CSMD1: variants seen among roughly 807,000 people sequenced by gnomAD.
CSMD1 encodes CUB and Sushi multiple domains 1, also known as CUB and sushi domain-containing protein 1.
In CSMD1, 213 loss-of-function variants were observed where a neutral mutation model predicts 417.5. The ratio of observed to expected loss-of-function variants is 0.51; its 90% CI spans 0.46 to 0.57. The LOEUF (loss-of-function observed/expected upper bound fraction) is 0.57. Ranked by LOEUF, CSMD1 falls within the 20% of genes least tolerant of loss-of-function variation. The pLI is 0.00. For missense variants in CSMD1, 6,923 were observed against 4,529.7 expected (o/e 1.53, Z -15.17); for synonymous variants, 2,862 against 1,736.8 (o/e 1.65, Z -16.11).
chr8:4,554,876 G>A (rs1171899758), intron 2 of CSMD1, among the ~76,000 whole-genome samples: 1 of 152,128 alleles, frequency 6.6e-6, no homozygotes, highest in Non-Finnish European at 1.5e-5. Context: ...AGGTTGCCAG[G>A]CCCAGGTGGT....
chr8:4,930,554 TTC>T (rs1807178826), intron 1 of CSMD1, among the ~76,000 whole-genome samples: 4 of 152,188 alleles, frequency 2.6e-5, no homozygotes, highest in Admixed American at 6.5e-5. Flanking sequence ...GCAGCATATA[TTC>T]TTTCTAGTTT....
chr8:4,810,654 T>C (rs539269396), intron 1 of CSMD1, among the ~76,000 whole-genome samples: 4 of 150,896 alleles, frequency 2.7e-5, no homozygotes, highest in Admixed American at 6.6e-5. Flanking sequence ...TTGTATTACA[T>C]AGAAAATTTC....
chr8:3,224,056 C>T (rs923712615), intron 27 of CSMD1, among the ~76,000 whole-genome samples, 189 bp from the exon 28 acceptor site: 2 of 152,170 alleles, frequency 1.3e-5, no homozygotes, highest in Non-Finnish European at 2.9e-5. Flanking sequence ...GTACATTTTT[C>T]ATGTAACTGT....
intron 8 of CSMD1, among the ~76,000 whole-genome samples, chr8:3,590,810 A>G (rs1453381180): frequency 6.6e-6 from 1 of 152,178 alleles, no homozygotes; most frequent in Non-Finnish European, 1.5e-5. Context: ...AAACTAAATA[A>G]GACCCCAATT....
chr8:3,976,959 C>G (rs1408380150), intron 5 of CSMD1, among the ~76,000 whole-genome samples: 1 of 152,180 alleles, frequency 6.6e-6, no homozygotes, highest in Non-Finnish European at 1.5e-5. Flanking sequence ...GGGCATAGTA[C>G]ACATGTCACA....
chr8:3,559,338 G>A (rs555294687), intron 10 of CSMD1, among the ~76,000 whole-genome samples: 24 of 152,324 alleles, frequency 1.6e-4, no homozygotes, highest in African/African-American at 4.8e-4. Flanking sequence ...ACTAGGCATG[G>A]TCTGAACAGA....
chr8:4,869,008 C>G (rs917173231), intron 1 of CSMD1, among the ~76,000 whole-genome samples: 1 of 151,670 alleles, frequency 6.6e-6, no homozygotes, highest in African/African-American at 2.4e-5. Context: ...AATATATATA[C>G]ATTTTATATT....
chr8:2,971,849 A>G (rs1804485747), intron 57 of CSMD1, among the ~76,000 whole-genome samples: 1 of 152,152 alleles, frequency 6.6e-6, no homozygotes, highest in South Asian at 2.1e-4. Context: ...GTGGTATTTG[A>G]CCTAAGACAA....
At chr8:4,454,868 A>T (rs752580932) in intron 2 of CSMD1, among the ~76,000 whole-genome samples, 2 of 152,192 alleles carry the variant, frequency 1.3e-5, no homozygotes, top group Non-Finnish European at 2.9e-5. Context: ...AAAGAAACTT[A>T]ATCTAAATGG....
At chr8:3,323,651 G>C (rs1403339408) in intron 23 of CSMD1, among the ~76,000 whole-genome samples, 1 of 152,184 alleles carries the variant, frequency 6.6e-6, no homozygotes, top group Non-Finnish European at 1.5e-5. Context: ...GTTTACAGAA[G>C]AAACACATGA....
At chr8:4,078,479 T>C (rs955152641) in intron 3 of CSMD1, among the ~76,000 whole-genome samples, 2 of 151,834 alleles carry the variant, frequency 1.3e-5, no homozygotes, top group East Asian at 3.9e-4. Context: ...TTAGCCAGGA[T>C]GGTCTCGATC....
chr8:4,158,413 G>T (rs1238216874), intron 3 of CSMD1, among the ~76,000 whole-genome samples: 2 of 151,646 alleles, frequency 1.3e-5, no homozygotes. Flanking sequence ...ATTGCAAAAG[G>T]ATATTGCAAA....
rs765828604 is a variant in CSMD1, at chr8:4,799,168, A to C, written c.86-161610T>G. Among the ~76,000 whole-genome samples the C allele has an allele frequency of 2.6e-5, 4 of 152,130 alleles. No individual in the cohort carries two copies. The East Asian group carries it at 7.7e-4, about 29-fold the overall frequency. Reference sequence around the variant, plus strand: ...ATGAGAGATGTGCTTACATAAAGTCACTACATGACAGGCACTCACAAGGGA... The same window carrying C: ...ATGAGAGATGTGCTTACATAAAGTCCCTACATGACAGGCACTCACAAGGGA... On this transcript the variant is annotated intron_variant, in intron 1 of 69. Coordinates refer to ENST00000635120, the MANE Select transcript of CSMD1 (RefSeq NM_033225.6).
intron 3 of CSMD1, among the ~76,000 whole-genome samples, chr8:4,118,565 G>A (rs1055343670): frequency 2.6e-5 from 4 of 152,156 alleles, no homozygotes; most frequent in Non-Finnish European, 4.4e-5. Context: ...CAGTAAAAAT[G>A]GCGATCATGA....
At chr8:4,262,337 T>G (rs560827673) in intron 3 of CSMD1, among the ~76,000 whole-genome samples, 1 of 152,278 alleles carries the variant, frequency 6.6e-6, no homozygotes, top group East Asian at 1.9e-4. Flanking sequence ...TTTTTTTCAT[T>G]TCTGCAATCT....
intron 5 of CSMD1, among the ~76,000 whole-genome samples, chr8:3,956,885 G>A (rs1184713401): frequency 6.6e-6 from 1 of 152,124 alleles, no homozygotes; most frequent in Non-Finnish European, 1.5e-5. Context: ...CAAATGTACA[G>A]GTGATTATCT....
At chr8:3,277,873 T>C (rs925147648) in intron 26 of CSMD1, among the ~76,000 whole-genome samples, 1 of 152,168 alleles carries the variant, frequency 6.6e-6, no homozygotes, top group Non-Finnish European at 1.5e-5. Flanking sequence ...ATTGCCAACA[T>C]TCCATCATTT....
At chr8:4,820,860 T>C (rs1348526796) in intron 1 of CSMD1, among the ~76,000 whole-genome samples, 1 of 152,212 alleles carries the variant, frequency 6.6e-6, no homozygotes, top group Non-Finnish European at 1.5e-5. Flanking sequence ...AGAATAATTG[T>C]TGTTACTACT....
At chr8:3,497,077 G>C (rs1259355246) in intron 10 of CSMD1, among the ~76,000 whole-genome samples, 2 of 152,178 alleles carry the variant, frequency 1.3e-5, no homozygotes, top group African/African-American at 2.4e-5. Flanking sequence ...CAGTCCTGAA[G>C]AATATTCATA....
Sources: allele counts gnomAD v4.1 joint callset (sites outside exome capture counted in the v4.1 genomes callset), GRCh38; gene constraint gnomAD v4.1.1; transcripts MANE v1.5; gene names NCBI Gene and HGNC (gene_info 2026-07-23, HGNC 2026-07-21).